Variants in TMEM178B observed in about 807,000 individuals in gnomAD.
TMEM178B encodes transmembrane protein 178B.
Under a neutral mutation model 31.0 loss-of-function variants are expected in TMEM178B, and 5 were observed. The ratio of observed to expected loss-of-function variants is 0.16; its 90% CI spans 0.08 to 0.34. TMEM178B has a LOEUF of 0.34. Ranked by LOEUF, TMEM178B falls within the 10% of genes least tolerant of loss-of-function variation. TMEM178B has a pLI of 1.00. For synonymous variants in TMEM178B, 164 were observed against 164.0 expected (o/e 1.00, Z 0.00); for missense variants, 275 against 400.3 (o/e 0.69, Z 2.67).
rs564851803 is a variant in TMEM178B, at chr7:141,240,524, G to A, written c.496+27820G>A. On this transcript the variant is annotated intron_variant, in intron 2 of 3. Transcript: ENST00000565468. ...ACCTTTCACTTTCCCAAAGTAGAAA[G>A]TTAATGATTTTCTGTGTTGTAAATG... 1.0e-3 allele frequency among the ~76,000 whole-genome samples: 152 copies of A among 152,326 alleles called. 1 individual carries two copies. Among genetic ancestry groups the A allele is most frequent in the Non-Finnish European group, 1.6e-3 (109 of 68,028 alleles).
At chr7:141,384,893 A>G (rs1055693561) in intron 2 of TMEM178B, among the ~76,000 whole-genome samples, 1 of 152,116 alleles carries the variant, frequency 6.6e-6, no homozygotes, top group African/African-American at 2.4e-5. Context: ...TCACTGATCT[A>G]GTATTTTGAT....
chr7:141,313,818 G>A (rs1214179081), intron 2 of TMEM178B, among the ~76,000 whole-genome samples: 1 of 130,338 alleles, frequency 7.7e-6, no homozygotes, highest in Non-Finnish European at 1.8e-5. Flanking sequence ...TTATTGATGT[G>A]CGTCTTTGGA....
the TMEM178B span, among the ~76,000 whole-genome samples, chr7:141,491,200 G>T: frequency 1.3e-5 from 2 of 151,748 alleles, no homozygotes; most frequent in East Asian, 1.9e-4. Context: ...GATCATTTTT[G>T]TTTTTAATTT....
intron 2 of TMEM178B, among the ~76,000 whole-genome samples, chr7:141,376,104 G>A (rs1290497657): frequency 6.6e-6 from 1 of 152,186 alleles, no homozygotes; most frequent in African/African-American, 2.4e-5. Context: ...TTAATGCTTA[G>A]CAAGTCTTTT....
intron 2 of TMEM178B, among the ~76,000 whole-genome samples, chr7:141,281,200 G>A (rs1410153255): frequency 6.6e-6 from 1 of 151,954 alleles, no homozygotes; most frequent in Non-Finnish European, 1.5e-5. Flanking sequence ...ATAGCTGCAG[G>A]GCTGCACCTA....
chr7:141,450,209 T>A (rs914780636), intron 3 of TMEM178B, among the ~76,000 whole-genome samples: 6 of 152,218 alleles, frequency 3.9e-5, no homozygotes, highest in Admixed American at 2.6e-4. Flanking sequence ...ATAGATGCTA[T>A]CAAAAGGTCA....
rs1039160665 is a variant in TMEM178B, at chr7:141,220,348, A to G, written c.496+7644A>G. On this transcript the variant is annotated intron_variant, in intron 2 of 3. Coordinates refer to ENST00000565468, the MANE Select transcript of TMEM178B (RefSeq NM_001195278.2). ...TAATAATAATAATAATAATAATAAT[A>G]ATAATAATAATAAAATAATAAATGC... 8.8e-5 allele frequency among the ~76,000 whole-genome samples: 11 copies of G among 125,574 alleles called. No individual in the cohort carries two copies. The South Asian group carries it at 3.1e-3, about 36-fold the overall frequency. The allele number at this position is 125,574 out of a possible 152,430, so 82.4% of individuals were successfully genotyped here.
chr7:141,311,007 A>C (rs1403791655), intron 2 of TMEM178B, among the ~76,000 whole-genome samples: 1 of 152,238 alleles, frequency 6.6e-6, no homozygotes, highest in Non-Finnish European at 1.5e-5. Context: ...AGGGACATAG[A>C]TGAAGCTGAA....
At chr7:141,411,725 T>C (rs1800993487) in intron 2 of TMEM178B, among the ~76,000 whole-genome samples, 1 of 152,240 alleles carries the variant, frequency 6.6e-6, no homozygotes, top group Admixed American at 6.5e-5. Context: ...GTGCTCAGCC[T>C]GAAATAAAAC....
chr7:141,104,422 G>C (rs2129174258), intron 1 of TMEM178B, among the ~76,000 whole-genome samples: 1 of 152,268 alleles, frequency 6.6e-6, no homozygotes, highest in Non-Finnish European at 1.5e-5. Flanking sequence ...GGGAACTACT[G>C]CAGGGCAAAG....
At chr7:141,274,002 G>C (rs1798227750) in intron 2 of TMEM178B, among the ~76,000 whole-genome samples, 1 of 152,196 alleles carries the variant, frequency 6.6e-6, no homozygotes, top group Non-Finnish European at 1.5e-5. Context: ...TGCTGCCTCT[G>C]CCCCTCTACA....
rs144581950 is a variant in TMEM178B, at chr7:141,288,051, C to T, written c.496+75347C>T. Among the ~76,000 whole-genome samples the T allele has an allele frequency of 1.5e-3, 228 of 152,296 alleles. 1 individual carries two copies. The highest frequency in any genetic ancestry group is 5.1e-3 in the African/African-American group (210 of 41,556). ...AGCACTTTTTGAGCCTGCAGCCCTG[C>T]TGACAGATGCCCTGACCCCTGTGGC... On this transcript the variant is annotated intron_variant, in intron 2 of 3. Coordinates refer to ENST00000565468, the MANE Select transcript of TMEM178B (RefSeq NM_001195278.2).
rs369695126 is a variant in TMEM178B, at chr7:141,364,818, G to T, written c.497-72790G>T. Among the ~76,000 whole-genome samples, 27 of 152,284 alleles carry T rather than the reference G, an allele frequency of 1.8e-4. No homozygotes were observed. In the East Asian group the frequency reaches 5.0e-3, roughly 28 times the overall value. ...AAAGGGAAATTCCCTCAGCCTCTGC[G>T]TGGGGCAATAGGGAGTGGAGGGGAC... On this transcript the variant is annotated intron_variant, in intron 2 of 3. Coordinates refer to ENST00000565468, the MANE Select transcript of TMEM178B (RefSeq NM_001195278.2).
At chr7:141,139,965 C>T (rs996380434) in intron 1 of TMEM178B, among the ~76,000 whole-genome samples, 1 of 152,032 alleles carries the variant, frequency 6.6e-6, no homozygotes, top group Non-Finnish European at 1.5e-5. Flanking sequence ...AGAGTTTCAC[C>T]GTGTTGGCCA....
At chr7:141,095,656 A>G (rs929648115) in intron 1 of TMEM178B, among the ~76,000 whole-genome samples, 1 of 152,152 alleles carries the variant, frequency 6.6e-6, no homozygotes, top group Non-Finnish European at 1.5e-5. Flanking sequence ...TCATTTCAAC[A>G]GTACTTTTAT....
intron 2 of TMEM178B, among the ~76,000 whole-genome samples, chr7:141,285,771 G>A (rs1297608549): frequency 6.6e-6 from 1 of 152,180 alleles, no homozygotes; most frequent in Non-Finnish European, 1.5e-5. Context: ...CCATAAAAAG[G>A]ATAAGTTCAT....
chr7:141,490,729 G>T, the TMEM178B span, among the ~76,000 whole-genome samples: 1 of 152,148 alleles, frequency 6.6e-6, no homozygotes, highest in Non-Finnish European at 1.5e-5. Context: ...ATGGAGATGG[G>T]TCTCCTAACC....
At chr7:141,334,944 C>T (rs1799358070) in intron 2 of TMEM178B, among the ~76,000 whole-genome samples, 1 of 152,184 alleles carries the variant, frequency 6.6e-6, no homozygotes. Flanking sequence ...CAGGGCAGGT[C>T]CTAGGAGAAG....
At chr7:141,145,836 A>G (rs944962581) in intron 1 of TMEM178B, among the ~76,000 whole-genome samples, 1 of 152,226 alleles carries the variant, frequency 6.6e-6, no homozygotes, top group Non-Finnish European at 1.5e-5. Flanking sequence ...TGTGGCCTAA[A>G]TTAGGGCTCC....
Sources: allele counts gnomAD v4.1 joint callset (sites outside exome capture counted in the v4.1 genomes callset), GRCh38; gene constraint gnomAD v4.1.1; transcripts MANE v1.5; gene names NCBI Gene and HGNC (gene_info 2026-07-23, HGNC 2026-07-21).